The following PDE4D variants were observed in gnomAD, a reference collection of about 807,000 sequenced individuals.
The protein encoded by PDE4D is 3',5'-cyclic-AMP phosphodiesterase 4D.
Under a neutral mutation model 87.4 loss-of-function variants are expected in PDE4D, and 24 were observed. The observed-to-expected ratio is 0.27, with a 90% CI of 0.20 to 0.39. PDE4D has a LOEUF of 0.39. PDE4D is among the 10% of genes least tolerant of loss of function. The pLI is 1.00. For synonymous variants in PDE4D, 384 were observed against 383.2 expected (o/e 1.00, Z -0.02); for missense variants, 714 against 1,041.0 (o/e 0.69, Z 4.32).
chr5:60,341,563 T>A (rs1346759659), intron 1 of PDE4D, among the ~76,000 whole-genome samples: 2 of 152,162 alleles, frequency 1.3e-5, no homozygotes, highest in Admixed American at 1.3e-4. Context: ...TCCTGAAAGA[T>A]TGTAGACAAG....
chr5:59,644,023 G>C (rs1742045997), intron 1 of PDE4D, among the ~76,000 whole-genome samples: 1 of 152,284 alleles, frequency 6.6e-6, no homozygotes, highest in Non-Finnish European at 1.5e-5. Context: ...ATAGAGTCTA[G>C]AGAATTTAGA....
At chr5:59,124,985 C>T (rs67161230) in intron 5 of PDE4D, among the ~76,000 whole-genome samples, 46,115 of 134,664 alleles carry the variant, frequency 0.34, 7,716 homozygotes, top group Non-Finnish European at 0.44. Context: ...CTTTTCTTTT[C>T]TTTTTTTTTC....
At chr5:60,201,045 G>C (rs1330291326) in intron 1 of PDE4D, among the ~76,000 whole-genome samples, 1 of 151,924 alleles carries the variant, frequency 6.6e-6, no homozygotes, top group Non-Finnish European at 1.5e-5. Flanking sequence ...GGGAGCAGCA[G>C]AAAAATACCC....
intron 3 of PDE4D, among the ~76,000 whole-genome samples, chr5:59,187,539 A>G (rs1435437998): frequency 6.6e-6 from 1 of 152,208 alleles, no homozygotes; most frequent in Non-Finnish European, 1.5e-5. Flanking sequence ...TATATTTTAC[A>G]TAATTACAAG....
chr5:59,766,169 A>T (rs993506184), intron 1 of PDE4D, among the ~76,000 whole-genome samples: 7 of 152,240 alleles, frequency 4.6e-5, no homozygotes, highest in African/African-American at 1.7e-4. Context: ...ATGCCTGTGG[A>T]TATTATGAAC....
At chr5:59,196,867 T>C (rs1016722966) in intron 2 of PDE4D, among the ~76,000 whole-genome samples, 2 of 152,154 alleles carry the variant, frequency 1.3e-5, no homozygotes, top group African/African-American at 2.4e-5. Context: ...AGAAAAGACA[T>C]GCCACCTATG....
intron 1 of PDE4D, among the ~76,000 whole-genome samples, chr5:59,836,313 C>T (rs992166446): frequency 2.6e-5 from 4 of 151,970 alleles, no homozygotes; most frequent in Non-Finnish European, 5.9e-5. Context: ...CCTAACTTAT[C>T]TGTATCTCTA....
chr5:59,747,146 T>C (rs994375593), intron 1 of PDE4D, among the ~76,000 whole-genome samples: 1 of 152,138 alleles, frequency 6.6e-6, no homozygotes, highest in Non-Finnish European at 1.5e-5. Flanking sequence ...CAGATAACGG[T>C]GCCCCATAAC....
chr5:59,786,368 A>T (rs1449968608), intron 1 of PDE4D, among the ~76,000 whole-genome samples: 1 of 152,216 alleles, frequency 6.6e-6, no homozygotes, highest in African/African-American at 2.4e-5. Context: ...AATTGCTTCC[A>T]GCTCTTCCCC....
chr5:59,810,751 C>T (rs1768261383), intron 1 of PDE4D, among the ~76,000 whole-genome samples: 1 of 151,966 alleles, frequency 6.6e-6, no homozygotes, highest in South Asian at 2.1e-4. Flanking sequence ...ATTTTTCCGG[C>T]TTATTTAAAG....
At chr5:60,245,048 G>A (rs1747594433) in intron 1 of PDE4D, among the ~76,000 whole-genome samples, 2 of 151,960 alleles carry the variant, frequency 1.3e-5, no homozygotes, top group Non-Finnish European at 1.5e-5. Context: ...CTATCCATCT[G>A]ATAAGGGATT....
chr5:60,125,805 A>G (rs972685781), intron 2 of PDE4D, among the ~76,000 whole-genome samples: 1 of 152,240 alleles, frequency 6.6e-6, no homozygotes, highest in African/African-American at 2.4e-5. Context: ...TATCCTGCTC[A>G]ATGCTCACCT....
chr5:59,050,962 C>G (rs1761456371), intron 5 of PDE4D, among the ~76,000 whole-genome samples: 1 of 152,174 alleles, frequency 6.6e-6, no homozygotes, highest in Admixed American at 6.5e-5. Context: ...TTGAGAGTTT[C>G]CTTCCTTTTC....
At chr5:60,165,904 T>C (rs1782847909) in intron 2 of PDE4D, among the ~76,000 whole-genome samples, 2 of 151,854 alleles carry the variant, frequency 1.3e-5, no homozygotes, top group African/African-American at 4.8e-5. Context: ...AACTTACTAC[T>C]GCTATTTTGT....
intron 1 of PDE4D, among the ~76,000 whole-genome samples, chr5:59,418,581 C>T (rs558858172): frequency 6.6e-6 from 1 of 152,306 alleles, no homozygotes; most frequent in East Asian, 1.9e-4. Context: ...CTTAACAGAA[C>T]ACATGGGACA....
chr5:60,180,534 G>T (rs1389564202), intron 2 of PDE4D, among the ~76,000 whole-genome samples: 2 of 152,114 alleles, frequency 1.3e-5, no homozygotes, highest in African/African-American at 4.8e-5. Context: ...TAGGGAGACA[G>T]GGTGGTGAAA....
chr5:59,391,099 A>T (rs986365854), intron 1 of PDE4D, among the ~76,000 whole-genome samples: 1 of 152,102 alleles, frequency 6.6e-6, no homozygotes, highest in Non-Finnish European at 1.5e-5. Flanking sequence ...AATCAGAGTT[A>T]AGGAGGTGAG....
At chr5:59,910,161 G>A (rs556186116) in intron 3 of PDE4D, among the ~76,000 whole-genome samples, 213 of 152,130 alleles carry the variant, frequency 1.4e-3, no homozygotes, top group African/African-American at 4.8e-3. Context: ...TGCCTGTGCC[G>A]CCTCTTGAAT....
chr5:60,442,778 TG>T (rs1189423775), intron 1 of PDE4D, among the ~76,000 whole-genome samples: 2 of 152,038 alleles, frequency 1.3e-5, no homozygotes, highest in East Asian at 3.9e-4. Flanking sequence ...GATAGAAAAA[TG>T]GTTGCATCAT....
Sources: allele counts gnomAD v4.1 joint callset (sites outside exome capture counted in the v4.1 genomes callset), GRCh38; gene constraint gnomAD v4.1.1; transcripts MANE v1.5; gene names NCBI Gene and HGNC (gene_info 2026-07-23, HGNC 2026-07-21).